Variants in FRMPD1 observed in about 807,000 individuals in gnomAD.
The protein encoded by FRMPD1 is FERM and PDZ domain-containing protein 1.
FRMPD1 carries 76 observed loss-of-function variants against 117.8 expected under a neutral mutation model. That is an observed-to-expected ratio of 0.65 (90% CI 0.54 to 0.78). FRMPD1 has a LOEUF of 0.78. Among genes scored for constraint, FRMPD1 ranks in the 30% least tolerant of loss-of-function variants. The pLI is 0.00. For missense variants in FRMPD1, 1,786 were observed against 1,964.5 expected, an observed-to-expected ratio of 0.91 and a Z score of 1.72; for synonymous variants, 783 against 770.4, an observed-to-expected ratio of 1.02 and a Z score of -0.27.
chr9:37,695,642 G>A (rs10758449), intron 2 of FRMPD1, among the ~76,000 whole-genome samples: 28,055 of 151,918 alleles, frequency 0.18, 3,079 homozygotes, highest in Non-Finnish European at 0.25. Flanking sequence ...AAATAATTTC[G>A]TTTCCTAGGA....
chr9:37,664,139 C>A (rs1821083278), intron 1 of FRMPD1, among the ~76,000 whole-genome samples: 1 of 151,970 alleles, frequency 6.6e-6, no homozygotes, highest in Non-Finnish European at 1.5e-5. Context: ...CCTGCTGGAA[C>A]TGTGAAATGT....
At chr9:37,647,497 C>G (rs187909659), upstream of FRMPD1, among the ~76,000 whole-genome samples, 304 of 138,478 alleles carry the variant, frequency 2.2e-3, 2 homozygotes, top group African/African-American at 7.8e-3. Context: ...GGGCGAAGAG[C>G]GAGACTCCGT....
At chr9:37,629,980 G>A in the FRMPD1 span, among the ~76,000 whole-genome samples, 1 of 152,130 alleles carries the variant, frequency 6.6e-6, no homozygotes, top group Non-Finnish European at 1.5e-5. Context: ...CTTTTTCTGG[G>A]TTGCGGACTG....
At chr9:37,662,798 C>T (rs7849182) in intron 1 of FRMPD1, among the ~76,000 whole-genome samples, 25,458 of 151,988 alleles carry the variant, frequency 0.17, 3,015 homozygotes, top group East Asian at 0.47. Flanking sequence ...ATATCCAAGT[C>T]TTCAGAATAG....
At chr9:37,731,154 T>C in intron 9 of FRMPD1, 51 bp downstream of exon 9, 1 of 1,571,660 alleles carries the variant, frequency 6.4e-7, no homozygotes, top group Non-Finnish European at 8.8e-7. Context: ...TCAAAGATGG[T>C]GCACTGGGTG....
rs907643726 is a variant in FRMPD1 at position 37,746,495 on chromosome 9, G to A, written c.4463G>A (p.Gly1488Glu). 3.7e-6 allele frequency: 6 copies of A among 1,613,574 alleles called. No homozygotes were observed. The African/African-American group carries it at 8.0e-5, about 22-fold the overall frequency. ...GACCAGTCCCCCGAAGAGATGCAGG[G>A]GGCCGTGCGTGACACCTTCCAGCAC... ...RMDQSPEEMQ[G>E]AVRDTFQHLV... is the part of the protein sequence containing the mutation. Residue 1488 changes from glycine to glutamate, a missense_variant, in exon 16 of 16, where the codon GGG (glycine) becomes GAG (glutamate). Gly to Glu is a moderately conservative substitution (Grantham distance 98, BLOSUM62 -2). Transcript: ENST00000377765.
intron 1 of FRMPD1, among the ~76,000 whole-genome samples, chr9:37,671,504 A>G (rs1052534164): frequency 6.6e-6 from 1 of 152,212 alleles, no homozygotes; most frequent in African/African-American, 2.4e-5. Context: ...ATGGTGAATC[A>G]GACAACCACG....
intron 1 of FRMPD1, among the ~76,000 whole-genome samples, chr9:37,683,546 G>A (rs1479633086): frequency 1.3e-5 from 2 of 152,222 alleles, no homozygotes; most frequent in Admixed American, 1.3e-4. Context: ...TTTGATGGGT[G>A]TGCAGGCAGG....
chr9:37,659,928 AAAAAAAC>A (rs1820949462), intron 1 of FRMPD1, among the ~76,000 whole-genome samples: 1 of 149,938 alleles, frequency 6.7e-6, no homozygotes, highest in Non-Finnish European at 1.5e-5. Context: ...AAAAAAAAAA[AAAAAAAC>A]AAAACTGAGG....
At chr9:37,662,342 C>A (rs1821025914) in intron 1 of FRMPD1, among the ~76,000 whole-genome samples, 1 of 152,324 alleles carries the variant, frequency 6.6e-6, no homozygotes, top group Admixed American at 6.5e-5. Flanking sequence ...TATTGGGGAT[C>A]ACAGTTTTAG....
chr9:37,689,916 T>C (rs1456742938), intron 1 of FRMPD1, among the ~76,000 whole-genome samples: 2 of 152,134 alleles, frequency 1.3e-5, no homozygotes, highest in Non-Finnish European at 2.9e-5. Flanking sequence ...TCTTTTTTTT[T>C]CCTCTCTGGA....
chr9:37,662,274 G>A (rs949944849), intron 1 of FRMPD1, among the ~76,000 whole-genome samples: 4 of 152,156 alleles, frequency 2.6e-5, no homozygotes, highest in African/African-American at 9.7e-5. Context: ...CTGTTCATGA[G>A]GGTGGTGCTC....
At chr9:37,609,627 CCGCCCT>C in the FRMPD1 span, among the ~76,000 whole-genome samples, 1 of 152,212 alleles carries the variant, frequency 6.6e-6, no homozygotes, top group African/African-American at 2.4e-5. Flanking sequence ...CAGTAACCTT[CCGCCCT>C]CACCCCCTTC....
At chr9:37,687,806 C>G (rs1821999826) in intron 1 of FRMPD1, among the ~76,000 whole-genome samples, 1 of 151,916 alleles carries the variant, frequency 6.6e-6, no homozygotes, top group African/African-American at 2.4e-5. Context: ...TATAAATGGC[C>G]AAGAGCACAT....
the FRMPD1 span, among the ~76,000 whole-genome samples, chr9:37,635,368 C>T: frequency 6.6e-6 from 1 of 152,172 alleles, no homozygotes; most frequent in Non-Finnish European, 1.5e-5. Context: ...AGTTGGCATT[C>T]AATTTAATTC....
chr9:37,685,867 C>T (rs1821922422), intron 1 of FRMPD1, among the ~76,000 whole-genome samples: 1 of 152,184 alleles, frequency 6.6e-6, no homozygotes, highest in Admixed American at 6.5e-5. Context: ...TTGCTGCCTC[C>T]ACTGATGTTT....
At position 37,746,058 on chromosome 9, in the gene FRMPD1, A is replaced by T. The variant is rs763853704; in HGVS notation, c.4026A>T (p.Thr1342=). 3 of 1,614,048 alleles carry T rather than the reference A, an allele frequency of 1.9e-6. No homozygotes were observed. The highest frequency in any genetic ancestry group is 1.3e-5 in the African/African-American group (1 of 74,922). Residue 1342 remains threonine (T), a synonymous_variant, in exon 16 of 16, where the codon ACA becomes ACT. Coordinates refer to ENST00000377765, the MANE Select transcript of FRMPD1 (RefSeq NM_014907.3). The part of the protein sequence containing the change: ...DQCSCQFSYA[T]CFRGPQPETE... ...GCAGCTGTCAGTTCTCCTATGCCAC[A>T]TGCTTCCGTGGCCCGCAGCCTGAGA... is the stretch of plus-strand genomic sequence containing the variant.
intron 1 of FRMPD1, among the ~76,000 whole-genome samples, chr9:37,656,934 G>GA (rs11307017): frequency 2.3e-4 from 34 of 147,238 alleles, no homozygotes; most frequent in South Asian, 8.6e-4. Context: ...TGGTGAAAAA[G>GA]AAAAAAAAAA....
chr9:37,667,806 TG>T (rs1222056446), intron 1 of FRMPD1, among the ~76,000 whole-genome samples: 1 of 152,196 alleles, frequency 6.6e-6, no homozygotes, highest in Non-Finnish European at 1.5e-5. Context: ...GAGTATTCTT[TG>T]TCCATGAGCC....
Sources: gnomAD v4.1 joint callset for allele counts (sites outside exome capture counted in the v4.1 genomes callset) on GRCh38, gnomAD v4.1.1 for gene constraint, MANE v1.5 for transcripts, NCBI Gene and HGNC (gene_info 2026-07-23, HGNC 2026-07-21) for gene names.